MAPRE3: variants seen among roughly 807,000 people sequenced by gnomAD.
MAPRE3 encodes the protein microtubule associated protein RP/EB family member 3, also known as microtubule-associated protein RP/EB family member 3.
Under a neutral mutation model 30.5 loss-of-function variants are expected in MAPRE3, and 2 were observed. The observed-to-expected ratio is 0.07, with a 90% CI of 0.03 to 0.21. The LOEUF is 0.21. MAPRE3 is among the 10% of genes least tolerant of loss of function. The pLI is 1.00. For missense variants in MAPRE3, 204 were observed against 351.8 expected, an observed-to-expected ratio of 0.58 and a Z score of 3.36; for synonymous variants, 110 against 127.7, an observed-to-expected ratio of 0.86 and a Z score of 0.93.
chr2:27,026,434 G>T lies in MAPRE3; in HGVS notation c.*86G>T. ...CCACATTATAGTCCTTTCCTAACAC[G>T]GTCGGCCGGGTGCTTTGTGTCAGTG... is the stretch of plus-strand genomic sequence containing the variant. On this transcript the variant is annotated 3_prime_UTR_variant, in exon 7 of 7. Coordinates refer to ENST00000233121, the MANE Select transcript of MAPRE3 (RefSeq NM_012326.4). 1 of 1,177,472 alleles carries T rather than the reference G, an allele frequency of 8.5e-7. No homozygotes were observed. Among genetic ancestry groups the T allele is most frequent in the South Asian group, 1.4e-5 (1 of 70,682 alleles). 72.9% of individuals were successfully genotyped at this position (1,177,472 alleles called of 1,614,324 possible).
At chr2:26,989,360 G>A (rs893160487) in intron 1 of MAPRE3, among the ~76,000 whole-genome samples, 1 of 152,108 alleles carries the variant, frequency 6.6e-6, no homozygotes, top group African/African-American at 2.4e-5. Context: ...TCCATACACT[G>A]CCTCGATTAA....
chr2:26,971,428 A>G (rs1665913725), intron 1 of MAPRE3, among the ~76,000 whole-genome samples: 1 of 152,168 alleles, frequency 6.6e-6, no homozygotes, highest in African/African-American at 2.4e-5. Context: ...CATCGTGATC[A>G]TCTAGCGTTT....
At chr2:26,983,140 A>G (rs980246669) in intron 1 of MAPRE3, among the ~76,000 whole-genome samples, 18 of 152,162 alleles carry the variant, frequency 1.2e-4, no homozygotes, top group Non-Finnish European at 7.3e-5. Flanking sequence ...TAAGACAGAG[A>G]CAGAGATAGA....
intron 1 of MAPRE3, among the ~76,000 whole-genome samples, chr2:26,984,312 T>C (rs1666174756): frequency 6.6e-6 from 1 of 152,232 alleles, no homozygotes. Context: ...ATGCAAAAAG[T>C]AGAAGTCCTC....
intron 1 of MAPRE3, among the ~76,000 whole-genome samples, chr2:26,975,549 G>T (rs1443876125): frequency 6.6e-6 from 1 of 151,726 alleles, no homozygotes; most frequent in African/African-American, 2.4e-5. Context: ...CCCATGTATA[G>T]ACATCTAAAG....
chr2:27,002,471 T>G (rs982894202), intron 1 of MAPRE3, among the ~76,000 whole-genome samples: 5 of 151,932 alleles, frequency 3.3e-5, no homozygotes, highest in African/African-American at 1.2e-4. Context: ...CTAAACTATA[T>G]TCTCACCAAT....
At chr2:26,984,112 T>C (rs760598492) in intron 1 of MAPRE3, among the ~76,000 whole-genome samples, 1 of 152,234 alleles carries the variant, frequency 6.6e-6, no homozygotes, top group African/African-American at 2.4e-5. Flanking sequence ...TGAATTTAAA[T>C]ATATTTATAT....
chr2:27,006,276 T>C (rs896008524), intron 1 of MAPRE3, among the ~76,000 whole-genome samples: 4 of 152,210 alleles, frequency 2.6e-5, no homozygotes, highest in African/African-American at 9.6e-5. Context: ...GCTTTGCCAT[T>C]GGGTGAAGAG....
At chr2:26,982,440 G>C (rs916300528) in intron 1 of MAPRE3, among the ~76,000 whole-genome samples, 4 of 152,196 alleles carry the variant, frequency 2.6e-5, no homozygotes, top group African/African-American at 9.6e-5. Context: ...ACATTACCTT[G>C]CCTGGACATT....
intron 1 of MAPRE3, among the ~76,000 whole-genome samples, chr2:26,980,406 A>G (rs1666089273): frequency 6.6e-6 from 1 of 152,250 alleles, no homozygotes; most frequent in Non-Finnish European, 1.5e-5. Context: ...ATCAGCAAAC[A>G]TATAAAATTG....
chr2:26,993,267 G>C (rs1190119172), intron 1 of MAPRE3, among the ~76,000 whole-genome samples: 1 of 152,164 alleles, frequency 6.6e-6, no homozygotes, highest in Admixed American at 6.5e-5. Context: ...CTACTCGGGA[G>C]GCTGAGGCAG....
chr2:26,998,014 G>T (rs1666504305), intron 1 of MAPRE3, among the ~76,000 whole-genome samples: 1 of 152,210 alleles, frequency 6.6e-6, no homozygotes, highest in Admixed American at 6.5e-5. Flanking sequence ...CTTTCCTGGG[G>T]TAGACATGCT....
At chr2:27,023,589 C>T in intron 3 of MAPRE3, 112 bp downstream of exon 3, 1 of 1,274,996 alleles carries the variant, frequency 7.8e-7, no homozygotes, top group Non-Finnish European at 1.1e-6. Flanking sequence ...GCTCGTGCCT[C>T]CCTCCACCTC....
intron 1 of MAPRE3, among the ~76,000 whole-genome samples, chr2:26,994,219 C>T (rs1666407183): frequency 6.6e-6 from 1 of 152,178 alleles, no homozygotes; most frequent in African/African-American, 2.4e-5. Context: ...CCTGAGAAAA[C>T]TGACTTACAT....
intron 1 of MAPRE3, among the ~76,000 whole-genome samples, chr2:27,008,963 G>A (rs1406596580): frequency 6.7e-6 from 1 of 148,436 alleles, no homozygotes; most frequent in Non-Finnish European, 1.5e-5. Flanking sequence ...AAGGTTACTG[G>A]ATGATTTCAT....
At chr2:26,999,051 A>G (rs561674646) in intron 1 of MAPRE3, among the ~76,000 whole-genome samples, 40 of 152,222 alleles carry the variant, frequency 2.6e-4, no homozygotes, top group Admixed American at 7.8e-4. Flanking sequence ...CAAGGCGGGG[A>G]GGGATTCAGT....
At chr2:26,979,126 A>T (rs1666067855) in intron 1 of MAPRE3, among the ~76,000 whole-genome samples, 1 of 152,228 alleles carries the variant, frequency 6.6e-6, no homozygotes. Flanking sequence ...ATGAAGACAC[A>T]CTGGAGCTGG....
intron 1 of MAPRE3, among the ~76,000 whole-genome samples, chr2:27,010,836 C>A (rs1666840663): frequency 6.6e-6 from 1 of 152,220 alleles, no homozygotes; most frequent in Admixed American, 6.5e-5. Flanking sequence ...AGTGCTGCAG[C>A]AGACACACAT....
chr2:26,984,965 G>A (rs1666190364), intron 1 of MAPRE3: 1 of 152,212 alleles, frequency 6.6e-6, no homozygotes, highest in African/African-American at 2.4e-5. Context: ...CCAGTGGAGA[G>A]CTGAAACATA....
Sources: gnomAD v4.1 joint callset for allele counts (sites outside exome capture counted in the v4.1 genomes callset) on GRCh38, gnomAD v4.1.1 for gene constraint, MANE v1.5 for transcripts, NCBI Gene and HGNC (gene_info 2026-07-23, HGNC 2026-07-21) for gene names.